GMDS: variants seen among roughly 807,000 people sequenced by gnomAD.
GMDS encodes GDP-mannose 4,6 dehydratase.
A neutral mutation model predicts 49.9 loss-of-function variants in GMDS; 20 were observed. That is an observed-to-expected ratio of 0.40 (90% CI 0.28 to 0.58). GMDS has a LOEUF of 0.58. Among genes scored for constraint, GMDS ranks in the 20% least tolerant of loss-of-function variants. The pLI is 0.42. For synonymous variants in GMDS, 177 were observed against 178.6 expected (o/e 0.99, Z 0.07); for missense variants, 362 against 481.4 (o/e 0.75, Z 2.32).
chr6:2,121,810 C>T (rs1024642819), intron 2 of GMDS, among the ~76,000 whole-genome samples: 2 of 152,166 alleles, frequency 1.3e-5, no homozygotes, highest in African/African-American at 2.4e-5. Flanking sequence ...TTTTTGCCTA[C>T]ACCACCCACC....
intron 4 of GMDS, among the ~76,000 whole-genome samples, chr6:2,044,058 A>G (rs552636103): frequency 3.5e-4 from 53 of 152,278 alleles, no homozygotes; most frequent in Non-Finnish European, 6.9e-4. Context: ...TAAAAAGTCA[A>G]AATAAAACAT....
intron 1 of GMDS, among the ~76,000 whole-genome samples, chr6:2,240,079 CTTATATGAGAAGA>C (rs1781543763): frequency 6.6e-6 from 1 of 152,202 alleles, no homozygotes; most frequent in African/African-American, 2.4e-5. Context: ...CTACAATCCT[CTTATATGAGAAGA>C]TAAGACCAGC....
At chr6:1,908,042 T>C (rs1760865692) in intron 7 of GMDS, among the ~76,000 whole-genome samples, 1 of 152,132 alleles carries the variant, frequency 6.6e-6, no homozygotes, top group Non-Finnish European at 1.5e-5. Context: ...GCTTGCACCA[T>C]GGGGCCATTA....
At chr6:1,933,274 C>T (rs1454872250) in intron 6 of GMDS, among the ~76,000 whole-genome samples, 1 of 152,098 alleles carries the variant, frequency 6.6e-6, no homozygotes, top group Non-Finnish European at 1.5e-5. Context: ...TTTATTTAAC[C>T]GTCCACGAGA....
intron 1 of GMDS, among the ~76,000 whole-genome samples, chr6:2,242,426 G>C (rs1781654482): frequency 6.6e-6 from 1 of 152,206 alleles, no homozygotes; most frequent in African/African-American, 2.4e-5. Flanking sequence ...GAACCGATGG[G>C]AGGGGAAGGC....
chr6:1,695,866 A>C (rs1408592785), intron 9 of GMDS, among the ~76,000 whole-genome samples: 1 of 150,770 alleles, frequency 6.6e-6, no homozygotes, highest in Non-Finnish European at 1.5e-5. Context: ...GAGCAAGCTG[A>C]ACGTGGCCAG....
At chr6:2,184,138 C>T (rs751441514) in intron 1 of GMDS, among the ~76,000 whole-genome samples, 3 of 152,182 alleles carry the variant, frequency 2.0e-5, no homozygotes, top group Non-Finnish European at 2.9e-5. Flanking sequence ...CTGTATCATA[C>T]AGGCGGTCAA....
intron 7 of GMDS, among the ~76,000 whole-genome samples, chr6:1,826,024 A>G (rs192380750): frequency 2.0e-5 from 3 of 152,268 alleles, no homozygotes; most frequent in African/African-American, 4.8e-5. Context: ...TCAAAAAAAT[A>G]AAAAGATAGA....
intron 6 of GMDS, among the ~76,000 whole-genome samples, chr6:1,949,720 T>C: frequency 6.6e-6 from 1 of 152,188 alleles, no homozygotes. Flanking sequence ...ATGATGTCAC[T>C]TTGTGCCCCA....
intron 9 of GMDS, among the ~76,000 whole-genome samples, chr6:1,705,718 G>A (rs757842087): frequency 7.9e-5 from 12 of 152,170 alleles, no homozygotes; most frequent in Admixed American, 2.6e-4. Context: ...AAGAGAGAAC[G>A]TCTAGCTCAC....
At chr6:2,034,711 C>A (rs1338917896) in intron 4 of GMDS, among the ~76,000 whole-genome samples, 3 of 152,218 alleles carry the variant, frequency 2.0e-5, no homozygotes, top group Admixed American at 6.5e-5. Context: ...TCTGGGGTGT[C>A]TGCGAAGCCA....
At chr6:1,838,369 CA>C (rs1182762071) in intron 7 of GMDS, among the ~76,000 whole-genome samples, 2 of 152,186 alleles carry the variant, frequency 1.3e-5, no homozygotes, top group African/African-American at 4.8e-5. Flanking sequence ...CAAACACTAG[CA>C]TTATTGAAAT....
At chr6:1,627,985 G>T (rs1762892750) in intron 9 of GMDS, among the ~76,000 whole-genome samples, 1 of 152,202 alleles carries the variant, frequency 6.6e-6, no homozygotes, top group South Asian at 2.1e-4. Context: ...CAGGAGCAAT[G>T]TCTCCGTCCA....
At chr6:2,147,705 C>G (rs920514943) in intron 1 of GMDS, among the ~76,000 whole-genome samples, 3 of 151,336 alleles carry the variant, frequency 2.0e-5, no homozygotes, top group African/African-American at 7.3e-5. Context: ...GTATTTCTCA[C>G]AGGGATTCAT....
intron 7 of GMDS, among the ~76,000 whole-genome samples, chr6:1,771,917 G>A (rs1768590316): frequency 6.6e-6 from 1 of 152,192 alleles, no homozygotes; most frequent in Admixed American, 6.5e-5. Flanking sequence ...TATCTAGGAG[G>A]CAATCAGTCT....
At chr6:2,145,735 G>A (rs999447724) in intron 1 of GMDS, among the ~76,000 whole-genome samples, 1 of 152,136 alleles carries the variant, frequency 6.6e-6, no homozygotes, top group Non-Finnish European at 1.5e-5. Context: ...TATTATATAA[G>A]TAATCTAGAG....
chr6:1,854,192 C>T (rs9328073), intron 7 of GMDS, among the ~76,000 whole-genome samples: 62,735 of 152,002 alleles, frequency 0.41, 14,184 homozygotes, highest in African/African-American at 0.62. Context: ...TTAATGTGCA[C>T]CAATTTTCCA....
chr6:1,999,758 C>A (rs1186357359), intron 4 of GMDS, among the ~76,000 whole-genome samples: 1 of 147,872 alleles, frequency 6.8e-6, no homozygotes, highest in Admixed American at 7.0e-5. Context: ...AGGAAATCTC[C>A]TCTCCCAATT....
intron 9 of GMDS, among the ~76,000 whole-genome samples, chr6:1,638,264 TG>T (rs1310035502): frequency 6.6e-6 from 1 of 152,196 alleles, no homozygotes; most frequent in Non-Finnish European, 1.5e-5. Context: ...AAAAGCCTGA[TG>T]CCGCCCTGGG....
Sources: allele counts gnomAD v4.1 joint callset (sites outside exome capture counted in the v4.1 genomes callset), GRCh38; gene constraint gnomAD v4.1.1; transcripts MANE v1.5; gene names NCBI Gene and HGNC (gene_info 2026-07-23, HGNC 2026-07-21).